Variants in CD47 observed in about 807,000 individuals in gnomAD.
The protein encoded by CD47 is leukocyte surface antigen CD47.
CD47 carries 11 observed loss-of-function variants against 44.6 expected under a neutral mutation model. The observed-to-expected ratio is 0.25, with a 90% CI of 0.16 to 0.41. The LOEUF is 0.41. Ranked by LOEUF, CD47 falls within the 10% of genes least tolerant of loss-of-function variation. The pLI, the probability that CD47 is intolerant of heterozygous loss-of-function variation, is 1.00. For missense variants in CD47, 306 were observed against 386.7 expected (o/e 0.79, Z 1.75); for synonymous variants, 140 against 136.3 (o/e 1.03, Z -0.19).
At chr3:108,070,082 G>A (rs958025406) in intron 3 of CD47, among the ~76,000 whole-genome samples, 3 of 151,966 alleles carry the variant, frequency 2.0e-5, no homozygotes, top group African/African-American at 4.8e-5. Context: ...TGAGAAAAGC[G>A]CTTAAAACAT....
At chr3:108,075,940 G>A (rs750376682) in intron 2 of CD47, among the ~76,000 whole-genome samples, 5 of 152,168 alleles carry the variant, frequency 3.3e-5, no homozygotes, top group Non-Finnish European at 7.3e-5. Context: ...AGAAATGAGG[G>A]CAATCTCTAG....
rs1438976400 is a variant in CD47, at chr3:108,043,915, C to T, written c.*3373G>A. The T allele has an allele frequency of 6.6e-6, 1 of 152,578 alleles. No homozygotes were observed. The highest frequency in any genetic ancestry group is 1.5e-5 in the Non-Finnish European group (1 of 68,028). 9.5% of individuals were successfully genotyped at this position (152,578 alleles called of 1,614,324 possible). On this transcript the variant is annotated 3_prime_UTR_variant, in exon 11 of 11. Coordinates refer to ENST00000361309, the MANE Select transcript of CD47 (RefSeq NM_001777.4). ...TTACCTGGATTATCCCTATTAGTCA[C>T]TGAAAATGACCTAACAAAGGACCCC...
In CD47 at chr3:108,080,134, A is replaced by G; in HGVS notation, c.257T>C (p.Ile86Thr). The change falls in exon 2 of 11, where the codon ATT becomes ACT. Residue 86 changes from isoleucine to threonine, a missense_variant. Physicochemically the swap from Ile to Thr is moderately conservative, Grantham distance 89 (BLOSUM62 -1). Around this residue, in one of 5 missense-constraint regions of CD47, gnomAD observed 47 missense variants for 36.2 expected, o/e 1.30. Coordinates refer to ENST00000361309, the MANE Select transcript of CD47 (RefSeq NM_001777.4). ...TCCTTTTAGTAATTGTGAGACTTCA[A>G]TTTTTGCACTACTAAAGTCAGTGGG... ...TVPTDFSSAK[I>T]EVSQLLKGDA... The G allele has an allele frequency of 6.2e-7, 1 of 1,613,076 alleles. No individual in the cohort carries two copies. The highest frequency in any genetic ancestry group is 2.2e-5 in the East Asian group (1 of 44,868).
intron 10 of CD47, among the ~76,000 whole-genome samples, chr3:108,048,333 G>A (rs368497287): frequency 1.5e-5 from 2 of 137,894 alleles, no homozygotes; most frequent in African/African-American, 2.7e-5. Flanking sequence ...CTGAATACAC[G>A]TTGTTTTAAA....
chr3:108,058,271 A>G, intron 6 of CD47, 66 bp downstream of exon 6: 2 of 881,636 alleles, frequency 2.3e-6, no homozygotes, highest in Non-Finnish European at 3.3e-6. Context: ...AGAAAGAAAA[A>G]GAAAAAGGAA....
chr3:108,058,368 G>T lies in CD47; in HGVS notation c.753C>A (p.Leu251=). 6.4e-7 allele frequency: 1 copy of T among 1,565,318 alleles called. No homozygotes were observed. Among genetic ancestry groups the T allele is most frequent in the Non-Finnish European group, 8.7e-7 (1 of 1,153,096 alleles). The change falls in exon 6 of 11, where the codon CTC becomes CTA. Residue 251 remains leucine, a synonymous_variant. Coordinates refer to ENST00000361309, the MANE Select transcript of CD47 (RefSeq NM_001777.4). ...TACAGAGACTCAGTCCAACCACAGC[G>T]AGGATATAGGCTATCACCTGAATAA... ...ILVIQVIAYI[L]AVVGLSLCIA...
chr3:108,071,009 A>C, intron 3 of CD47, 84 bp downstream of exon 3: 1 of 629,578 alleles, frequency 1.6e-6, no homozygotes, highest in Non-Finnish European at 2.7e-6. Flanking sequence ...TCCTAGTACA[A>C]CTTTAAATAT....
At chr3:108,083,536 G>A (rs989806400) in intron 1 of CD47, among the ~76,000 whole-genome samples, 1 of 152,026 alleles carries the variant, frequency 6.6e-6, no homozygotes, top group Non-Finnish European at 1.5e-5. Flanking sequence ...GCGATGATAA[G>A]TATATAATAC....
intron 2 of CD47, among the ~76,000 whole-genome samples, chr3:108,073,618 A>T (rs895605069): frequency 6.6e-6 from 1 of 152,246 alleles, no homozygotes. Flanking sequence ...GATGAGATCA[A>T]ATGGGAAGAG....
intron 10 of CD47, among the ~76,000 whole-genome samples, chr3:108,048,029 C>A (rs1245524873): frequency 6.6e-6 from 1 of 151,570 alleles, no homozygotes; most frequent in African/African-American, 2.4e-5. Flanking sequence ...AGAACAATGA[C>A]ACCACCAAGG....
At chr3:108,063,222 A>G (rs1293586306) in intron 3 of CD47, among the ~76,000 whole-genome samples, 1 of 152,172 alleles carries the variant, frequency 6.6e-6, no homozygotes, top group Non-Finnish European at 1.5e-5. Flanking sequence ...TTTTCCTTAA[A>G]TTAAGTAGCC....
intron 1 of CD47, among the ~76,000 whole-genome samples, chr3:108,089,507 T>C (rs986416153): frequency 5.3e-5 from 8 of 152,234 alleles, no homozygotes; most frequent in African/African-American, 9.6e-5. Flanking sequence ...TCTGGTTCAA[T>C]ATGAAGGCGT....
chr3:108,063,142 A>G (rs1250256099), intron 3 of CD47, among the ~76,000 whole-genome samples: 3 of 152,160 alleles, frequency 2.0e-5, no homozygotes, highest in Non-Finnish European at 2.9e-5. Flanking sequence ...TAAGTACACT[A>G]TATATTGAAA....
intron 2 of CD47, among the ~76,000 whole-genome samples, chr3:108,074,863 T>C (rs910357230): frequency 4.6e-5 from 7 of 151,938 alleles, no homozygotes; most frequent in Admixed American, 3.9e-4. Flanking sequence ...TTGAGGATCA[T>C]GGAATTAGAT....
chr3:108,071,988 G>T (rs3804639), intron 2 of CD47, among the ~76,000 whole-genome samples: 42,029 of 151,950 alleles, frequency 0.28, 5,843 homozygotes, highest in South Asian at 0.31. Flanking sequence ...TTATTAAGTT[G>T]GTCACATGTT....
chr3:108,049,609 T>G lies in CD47; in HGVS notation c.967+10A>C, dbSNP rs1559974683. The G allele has an allele frequency of 1.1e-5, 17 of 1,538,654 alleles. No individual in the cohort carries two copies. The highest frequency in any genetic ancestry group is 1.3e-5 in the Non-Finnish European group (15 of 1,111,632). Reference sequence around the variant, plus strand: ...CTGATCTATAATTATTAAGTGCATTTTATACTTACCATCATTCATCATTCC... The same window carrying G: ...CTGATCTATAATTATTAAGTGCATTGTATACTTACCATCATTCATCATTCC... On this transcript the variant is annotated intron_variant, in intron 10 of 10. Transcript: ENST00000361309.
intron 3 of CD47, among the ~76,000 whole-genome samples, chr3:108,063,454 T>C (rs1363611794): frequency 6.6e-6 from 1 of 152,192 alleles, no homozygotes; most frequent in Non-Finnish European, 1.5e-5. Context: ...GTACCACAGC[T>C]AATGTGGGGT....
intron 2 of CD47, among the ~76,000 whole-genome samples, chr3:108,073,620 T>C (rs1378373182): frequency 6.6e-6 from 1 of 152,162 alleles, no homozygotes; most frequent in African/African-American, 2.4e-5. Flanking sequence ...TGAGATCAAA[T>C]GGGAAGAGTT....
intron 9 of CD47, 139 bp from the exon 10 acceptor site, chr3:108,049,790 T>C (rs1186430950): frequency 1.5e-6 from 1 of 671,398 alleles, no homozygotes; most frequent in Admixed American, 2.5e-5. Flanking sequence ...ATCATTTCAT[T>C]ATGTAGCCTT....
Sources: gnomAD v4.1 joint callset for allele counts (sites outside exome capture counted in the v4.1 genomes callset) on GRCh38, gnomAD v4.1.1 for gene constraint, gnomAD v4.1.1 regional missense constraint, MANE v1.5 for transcripts, NCBI Gene and HGNC (gene_info 2026-07-23, HGNC 2026-07-21) for gene names.